BTBD7: variants seen among roughly 807,000 people sequenced by gnomAD.
BTBD7 encodes the protein BTB domain containing 7, also known as BTB/POZ domain-containing protein 7.
BTBD7 carries 38 observed loss-of-function variants against 99.9 expected under a neutral mutation model. The ratio of observed to expected loss-of-function variants is 0.38; its 90% CI spans 0.29 to 0.50. The LOEUF (loss-of-function observed/expected upper bound fraction) is 0.50. BTBD7 is among the 20% of genes least tolerant of loss of function. The pLI is 0.93. For missense variants in BTBD7, 1,170 were observed against 1,394.6 expected (o/e 0.84, Z 2.57); for synonymous variants, 520 against 511.4 (o/e 1.02, Z -0.23).
chr14:93,244,720 A>G (rs1366223936), intron 10 of BTBD7, among the ~76,000 whole-genome samples: 1 of 152,164 alleles, frequency 6.6e-6, no homozygotes, highest in East Asian at 1.9e-4. Flanking sequence ...AAGTTGAGAA[A>G]GGATCATAAT....
chr14:93,287,993 G>A (rs1388614498), intron 3 of BTBD7: 1 of 153,094 alleles, frequency 6.5e-6, no homozygotes, highest in Non-Finnish European at 1.5e-5. Flanking sequence ...AGGATTTTGT[G>A]TTTAAAATAA....
chr14:93,331,516 C>T (rs926054089), intron 1 of BTBD7, among the ~76,000 whole-genome samples: 4 of 152,310 alleles, frequency 2.6e-5, no homozygotes, highest in Admixed American at 2.0e-4. Flanking sequence ...AGTCTTTCTT[C>T]CACATTTCAG....
chr14:93,309,257 G>A (rs1246865920), intron 1 of BTBD7, among the ~76,000 whole-genome samples: 1 of 152,016 alleles, frequency 6.6e-6, no homozygotes, highest in Non-Finnish European at 1.5e-5. Context: ...TCCAAATGAG[G>A]AAATCAAAGT....
intron 3 of BTBD7, among the ~76,000 whole-genome samples, chr14:93,267,044 T>C (rs974163751): frequency 4.6e-5 from 7 of 152,134 alleles, no homozygotes; most frequent in African/African-American, 1.7e-4. Flanking sequence ...TGGAATAGAA[T>C]TGAGTGGGAT....
chr14:93,267,447 A>C (rs1318179493), intron 3 of BTBD7, among the ~76,000 whole-genome samples: 4 of 152,162 alleles, frequency 2.6e-5, no homozygotes, highest in Non-Finnish European at 5.9e-5. Flanking sequence ...GACACTCTAC[A>C]TTTGCTCAAA....
chr14:93,330,754 C>T (rs35494539), intron 1 of BTBD7, among the ~76,000 whole-genome samples: 22,076 of 152,220 alleles, frequency 0.15, 2,082 homozygotes, highest in Admixed American at 0.22. Context: ...TGACTAGAAT[C>T]TGAAATCAGA....
intron 3 of BTBD7, among the ~76,000 whole-genome samples, chr14:93,269,141 TA>T (rs1036563487): frequency 2.6e-5 from 4 of 152,142 alleles, no homozygotes; most frequent in African/African-American, 9.7e-5. Flanking sequence ...ACCTTATAAA[TA>T]CACCAAACAT....
rs2139828165 is a variant in BTBD7 at position 93,323,972 on chromosome 14, A to G, written c.-107+8848T>C. Among the ~76,000 whole-genome samples, 3 of 152,366 alleles carry G rather than the reference A, an allele frequency of 2.0e-5. No homozygotes were observed. In the Middle Eastern group the frequency reaches 0.01, roughly 518 times the overall value. The stretch of plus-strand genomic sequence containing the variant: ...TCCCGTACACTTTGGTTCAAACCAT[A>G]CAGTCATGTAGAGGAGTCAGGCATA... On this transcript the variant is annotated intron_variant, in intron 1 of 10. Transcript: ENST00000334746.
intron 1 of BTBD7, among the ~76,000 whole-genome samples, chr14:93,331,888 C>CCG (rs916969554): frequency 1.4e-4 from 21 of 148,008 alleles, no homozygotes; most frequent in African/African-American, 4.5e-4. Context: ...CTCCCCCCCC[C>CCG]CAAAAAGGTT....
chr14:93,270,600 C>T (rs1163056591), intron 3 of BTBD7, among the ~76,000 whole-genome samples: 1 of 151,084 alleles, frequency 6.6e-6, no homozygotes, highest in Admixed American at 6.6e-5. Flanking sequence ...GAGGCTGAGG[C>T]AGGATAATCA....
intron 3 of BTBD7, among the ~76,000 whole-genome samples, chr14:93,281,531 C>T (rs2052720129): frequency 6.6e-6 from 1 of 152,148 alleles, no homozygotes. Flanking sequence ...TCTGACCACC[C>T]AACCTATTAC....
intron 1 of BTBD7, among the ~76,000 whole-genome samples, chr14:93,313,974 A>G (rs537136469): frequency 1.3e-5 from 2 of 151,814 alleles, no homozygotes; most frequent in Admixed American, 1.3e-4. Flanking sequence ...TTGAACTCCT[A>G]GCCTCAAGTG....
intron 5 of BTBD7, among the ~76,000 whole-genome samples, chr14:93,261,202 G>T (rs917872794): frequency 6.6e-6 from 1 of 152,146 alleles, no homozygotes; most frequent in African/African-American, 2.4e-5. Flanking sequence ...ATTTTAAAGC[G>T]TACCATTCAG....
At chr14:93,300,257 CTTTTT>C (rs35598735) in intron 1 of BTBD7, among the ~76,000 whole-genome samples, 1 of 119,638 alleles carries the variant, frequency 8.4e-6, no homozygotes, top group African/African-American at 3.6e-5. Flanking sequence ...TTTCTTTGTT[CTTTTT>C]TTTTTTTTTT....
chr14:93,287,991 G>C (rs913414189), intron 3 of BTBD7: 1 of 152,978 alleles, frequency 6.5e-6, no homozygotes, highest in Non-Finnish European at 1.5e-5. Context: ...ATAGGATTTT[G>C]TGTTTAAAAT....
intron 1 of BTBD7, among the ~76,000 whole-genome samples, chr14:93,303,769 C>G (rs1044761682): frequency 6.6e-6 from 1 of 152,166 alleles, no homozygotes. Flanking sequence ...TGACCTACAA[C>G]CTCAGAAGAA....
At chr14:93,269,452 G>C (rs2052577874) in intron 3 of BTBD7, among the ~76,000 whole-genome samples, 1 of 152,136 alleles carries the variant, frequency 6.6e-6, no homozygotes. Context: ...CACACTCAAA[G>C]ATGGTCAGAC....
intron 4 of BTBD7, among the ~76,000 whole-genome samples, chr14:93,262,503 T>G (rs935641878): frequency 6.6e-6 from 1 of 152,160 alleles, no homozygotes. Flanking sequence ...TTAAATTTAT[T>G]TTATCTTACT....
In BTBD7 at chr14:93,294,495, T is replaced by G; in HGVS notation, c.525A>C (p.Pro175=). 1 of 1,614,166 alleles carries G rather than the reference T, an allele frequency of 6.2e-7. No individual in the cohort carries two copies. Among genetic ancestry groups the G allele is most frequent in the Non-Finnish European group, 8.5e-7 (1 of 1,180,032 alleles). The part of the protein sequence containing the change: ...PFFKTLLSSS[P]EYGAEIIMDI... Reference sequence around the variant, plus strand: ...CCATTATTATCTCTGCCCCATACTCTGGTGAGGAAGAAAGCAGTGTTTTAA... The same window carrying G: ...CCATTATTATCTCTGCCCCATACTCGGGTGAGGAAGAAAGCAGTGTTTTAA... Residue 175 remains proline (P), a synonymous_variant, in exon 3 of 11, where the codon CCA becomes CCC. Transcript: ENST00000334746.
Sources: gnomAD v4.1 joint callset for allele counts (sites outside exome capture counted in the v4.1 genomes callset) on GRCh38, gnomAD v4.1.1 for gene constraint, MANE v1.5 for transcripts, NCBI Gene and HGNC (gene_info 2026-07-23, HGNC 2026-07-21) for gene names.